Variants in BRMS1L observed in about 807,000 individuals in gnomAD.
The protein encoded by BRMS1L is BRMS1 like transcriptional repressor.
In BRMS1L, 23 loss-of-function variants were observed where a neutral mutation model predicts 50.3. The observed-to-expected ratio is 0.46, with a 90% CI of 0.33 to 0.65. The LOEUF (loss-of-function observed/expected upper bound fraction) is 0.65. Ranked by LOEUF, BRMS1L falls within the 30% of genes least tolerant of loss-of-function variation. The probability of loss-of-function intolerance (pLI) is 0.02; values close to 1 mark genes in which losing one functional copy is unlikely to be tolerated. For missense variants in BRMS1L, 286 were observed against 386.1 expected (o/e 0.74, Z 2.17); for synonymous variants, 114 against 126.9 (o/e 0.90, Z 0.69).
Position 35,862,703 on chromosome 14 carries a change from G to T in BRMS1L, c.538+17G>T. The T allele has an allele frequency of 6.3e-7, 1 of 1,580,338 alleles. No individual in the cohort carries two copies. Among genetic ancestry groups the T allele is most frequent in the South Asian group, 1.1e-5 (1 of 87,888 alleles). On this transcript the variant is annotated intron_variant, in intron 5 of 9. Coordinates refer to ENST00000216807, the MANE Select transcript of BRMS1L (RefSeq NM_032352.4). ...TTACCTCAGGTAAGGAGAATGATATGATTGTGATGTTTGAGTGGCACCAGA... is the reference window on the plus strand; with the variant it reads ...TTACCTCAGGTAAGGAGAATGATATTATTGTGATGTTTGAGTGGCACCAGA...
chr14:35,831,396 CT>C lies in BRMS1L; in HGVS notation c.143-9del, dbSNP rs1567298881. 5.7e-6 allele frequency: 9 copies of C among 1,586,826 alleles called. No individual in the cohort carries two copies. The highest frequency in any genetic ancestry group is 4.0e-5 in the African/African-American group (3 of 74,152). On this transcript the variant is annotated splice_polypyrimidine_tract_variant and intron_variant, in intron 1 of 9. Transcript: ENST00000216807. ...AATTAAGTTTATCTTTTATATTTGC[CT>C]TTTTATTAACAGAAATGGATGATGA...
intron 9 of BRMS1L, among the ~76,000 whole-genome samples, chr14:35,868,789 C>G (rs1257601465): frequency 6.6e-6 from 1 of 152,064 alleles, no homozygotes; most frequent in African/African-American, 2.4e-5. Context: ...CTAACAACAA[C>G]AACAACAAAC....
At chr14:35,852,909 C>T (rs139825231) in intron 4 of BRMS1L, among the ~76,000 whole-genome samples, 10 of 151,182 alleles carry the variant, frequency 6.6e-5, no homozygotes, top group Non-Finnish European at 1.3e-4. Flanking sequence ...CCGGCCTGGG[C>T]GAAAGAGCGA....
rs894525582 is a variant in BRMS1L at position 35,870,995 on chromosome 14, A to G, written c.*518A>G. ...ATCAGCTTATTTAGAACTGATGGCC[A>G]TACCTTACAATCTTGTTTTACCCAA... On this transcript the variant is annotated 3_prime_UTR_variant, in exon 10 of 10. Transcript: ENST00000216807. 2.0e-5 allele frequency: 3 copies of G among 152,670 alleles called. No homozygotes were observed. The highest frequency in any genetic ancestry group is 7.2e-5 in the African/African-American group (3 of 41,466). The allele number at this position is 152,670 out of a possible 1,614,324, so 9.5% of individuals were successfully genotyped here.
chr14:35,865,205 A>AT (rs1162460365), intron 7 of BRMS1L, among the ~76,000 whole-genome samples: 2 of 152,210 alleles, frequency 1.3e-5, no homozygotes, highest in Non-Finnish European at 2.9e-5. Flanking sequence ...GTTTGATTGT[A>AT]TTTTTTCTAT....
chr14:35,832,764 GACCATTAA>G (rs1398216229), intron 2 of BRMS1L, among the ~76,000 whole-genome samples: 1 of 152,106 alleles, frequency 6.6e-6, no homozygotes, highest in East Asian at 1.9e-4. Flanking sequence ...ATTGGGAATT[GACCATTAA>G]AGAGTGATAG....
At chr14:35,858,297 TC>T (rs1214238018) in intron 4 of BRMS1L, among the ~76,000 whole-genome samples, 2 of 152,288 alleles carry the variant, frequency 1.3e-5, no homozygotes. Flanking sequence ...ATCCCTCGTG[TC>T]CCCTATCCTC....
At chr14:35,842,114 T>C (rs2078074477) in intron 4 of BRMS1L, among the ~76,000 whole-genome samples, 1 of 151,998 alleles carries the variant, frequency 6.6e-6, no homozygotes, top group African/African-American at 2.4e-5. Flanking sequence ...AGCATGCTGA[T>C]GGGTCTTGAC....
At chr14:35,833,375 G>A (rs767784200) in intron 3 of BRMS1L, among the ~76,000 whole-genome samples, 4 of 151,492 alleles carry the variant, frequency 2.6e-5, no homozygotes, top group Non-Finnish European at 4.4e-5. Flanking sequence ...GAAACAACTG[G>A]AAACCATGAT....
intron 3 of BRMS1L, among the ~76,000 whole-genome samples, chr14:35,833,883 T>C (rs924425813): frequency 6.6e-6 from 1 of 152,182 alleles, no homozygotes; most frequent in Admixed American, 6.5e-5. Flanking sequence ...CCAAATTTTA[T>C]TTTTGAGTGC....
chr14:35,832,958 T>C lies in BRMS1L; in HGVS notation c.234-20T>C. The C allele has an allele frequency of 1.9e-6, 3 of 1,578,680 alleles. No individual in the cohort carries two copies. The highest frequency in any genetic ancestry group is 2.6e-6 in the Non-Finnish European group (3 of 1,160,814). ...TTGTTGAGATTTTTAAATTAACATA[T>C]TAATTTTTGCTTTGTTAAGACTTTA... On this transcript the variant is annotated intron_variant, in intron 2 of 9. Coordinates refer to ENST00000216807, the MANE Select transcript of BRMS1L (RefSeq NM_032352.4).
Position 35,862,677 on chromosome 14 carries a change from A to G in BRMS1L, c.529A>G (p.Ile177Val). The G allele has an allele frequency of 6.2e-7, 1 of 1,607,096 alleles. No homozygotes were observed. Among genetic ancestry groups the G allele is most frequent in the Non-Finnish European group, 8.5e-7 (1 of 1,175,660 alleles). The change falls in exon 5 of 10, where the codon ATT becomes GTT. Residue 177 changes from isoleucine to valine, a missense_variant. By Grantham distance (29) the Ile-to-Val change is conservative (BLOSUM62 3). This residue lies in a region of BRMS1L where 160 missense variants were observed against 240.6 expected (regional missense o/e 0.66). Transcript: ENST00000216807. Reference sequence around the variant, plus strand: ...TGAAGAGGATAGGCACAGCATTGATATTACCTCAGGTAAGGAGAATGATAT... The same window carrying G: ...TGAAGAGGATAGGCACAGCATTGATGTTACCTCAGGTAAGGAGAATGATAT... ...RLEEDRHSID[I>V]TSELWNDELQ... is the part of the protein sequence containing the mutation.
rs1316064659 is a variant in BRMS1L, at chr14:35,862,540, T to C, written c.442-50T>C. 9 of 1,299,816 alleles carry C rather than the reference T, an allele frequency of 6.9e-6. No homozygotes were observed. The East Asian group carries it at 2.0e-4, about 29-fold the overall frequency. 80.5% of individuals were successfully genotyped at this position (1,299,816 alleles called of 1,614,324 possible). A position where few individuals can be genotyped will look rare whatever the true frequency, so the allele number is the denominator to read the frequency against. On this transcript the variant is annotated intron_variant, in intron 4 of 9. Transcript: ENST00000216807. ...AGTTATTTGGTACTCTTAGTTAAGA[T>C]ACACCAATTTTTTTCTTTCTACTTA...
intron 5 of BRMS1L, among the ~76,000 whole-genome samples, chr14:35,863,594 A>G (rs148592711): frequency 9.2e-5 from 14 of 152,318 alleles, no homozygotes; most frequent in Admixed American, 2.6e-4. Context: ...AGGTGAGACA[A>G]TGCATGTAAT....
intron 7 of BRMS1L, 23 bp from the exon 8 acceptor site, chr14:35,865,699 C>CTTTT (rs78231905): frequency 8.5e-6 from 12 of 1,410,040 alleles, no homozygotes; most frequent in African/African-American, 4.6e-5. Context: ...CTTTCTTCCT[C>CTTTT]TTTTTTTTTT....
In BRMS1L at chr14:35,826,475, G is replaced by A. The variant is rs992988311; in HGVS notation, c.-42G>A. The A allele has an allele frequency of 7.1e-6, 11 of 1,554,534 alleles. No individual in the cohort carries two copies. In the African/African-American group the frequency reaches 1.2e-4, roughly 17 times the overall value. On this transcript the variant is annotated 5_prime_UTR_variant, in exon 1 of 10. Transcript: ENST00000216807. ...GCCCTTCATTGAAGCGGCGGTGGCCGGGCTGGGCGCCGGTAGTGGAAAGCG... is the reference window on the plus strand; with the variant it reads ...GCCCTTCATTGAAGCGGCGGTGGCCAGGCTGGGCGCCGGTAGTGGAAAGCG...
chr14:35,826,731 G>A (rs1435985116), intron 1 of BRMS1L, 73 bp downstream of exon 1: 8 of 1,572,330 alleles, frequency 5.1e-6, no homozygotes, highest in African/African-American at 1.4e-5. Context: ...CACGCCAGGC[G>A]GCTGCGTCCT....
Position 35,840,048 on chromosome 14 carries a change from A to C in BRMS1L, c.441+5125A>C, listed in dbSNP as rs544668808. On this transcript the variant is annotated intron_variant, in intron 4 of 9. Coordinates refer to ENST00000216807, the MANE Select transcript of BRMS1L (RefSeq NM_032352.4). ...TATTATTTTGAGATACATTCCATCAATACCTAGTTCATTGAGAGTTTTTAG... is the reference window on the plus strand; with the variant it reads ...TATTATTTTGAGATACATTCCATCACTACCTAGTTCATTGAGAGTTTTTAG... Among the ~76,000 whole-genome samples the C allele has an allele frequency of 1.3e-5, 2 of 152,344 alleles. 1 individual carries two copies. Among genetic ancestry groups the C allele is most frequent in the South Asian group, 4.1e-4 (2 of 4,828 alleles).
intron 4 of BRMS1L, among the ~76,000 whole-genome samples, chr14:35,843,835 C>A (rs2078097735): frequency 6.6e-6 from 1 of 152,226 alleles, no homozygotes; most frequent in African/African-American, 2.4e-5. Flanking sequence ...GGAGTTTTAT[C>A]TATAAGCCCC....
Sources: gnomAD v4.1 joint callset for allele counts (sites outside exome capture counted in the v4.1 genomes callset) on GRCh38, gnomAD v4.1.1 for gene constraint, gnomAD v4.1.1 regional missense constraint, MANE v1.5 for transcripts, NCBI Gene and HGNC (gene_info 2026-07-23, HGNC 2026-07-21) for gene names.